ELAPOR2: variants seen among roughly 807,000 people sequenced by gnomAD.
The protein encoded by ELAPOR2 is endosome-lysosome associated apoptosis and autophagy regulator family member 2.
A neutral mutation model predicts 120.7 loss-of-function variants in ELAPOR2; 89 were observed. The observed-to-expected ratio is 0.74, with a 90% confidence interval of 0.62 to 0.88. ELAPOR2 has a LOEUF of 0.88. Among genes scored for constraint, ELAPOR2 ranks in the 40% least tolerant of loss-of-function variants. The probability of loss-of-function intolerance (pLI) is 0.00; values close to 1 mark genes in which losing one functional copy is unlikely to be tolerated. For missense variants in ELAPOR2, 1,134 were observed against 1,251.6 expected, an observed-to-expected ratio of 0.91 and a Z score of 1.42; for synonymous variants, 444 against 444.9, an observed-to-expected ratio of 1.00 and a Z score of 0.03.
intron 1 of ELAPOR2, among the ~76,000 whole-genome samples, chr7:86,997,457 A>G (rs1793163270): frequency 6.6e-6 from 1 of 152,222 alleles, no homozygotes; most frequent in Non-Finnish European, 1.5e-5. Context: ...AGCCCCAGGA[A>G]CAATTTTAAT....
At chr7:86,929,340 A>G (rs1790221655) in intron 8 of ELAPOR2, among the ~76,000 whole-genome samples, 1 of 151,930 alleles carries the variant, frequency 6.6e-6, no homozygotes, top group African/African-American at 2.4e-5. Context: ...GCTAAATTAC[A>G]TGTGTTTTTA....
chr7:86,950,520 C>T (rs1029465399), intron 2 of ELAPOR2, among the ~76,000 whole-genome samples: 1 of 152,198 alleles, frequency 6.6e-6, no homozygotes, highest in East Asian at 1.9e-4. Flanking sequence ...CCACCATATT[C>T]CCCGGTGCCA....
intron 1 of ELAPOR2, among the ~76,000 whole-genome samples, chr7:87,018,373 G>A (rs988989897): frequency 6.6e-6 from 1 of 151,952 alleles, no homozygotes; most frequent in African/African-American, 2.4e-5. Flanking sequence ...TTTAATGAGA[G>A]AAAAAATGCT....
At chr7:86,920,012 A>G (rs1789755025) in intron 10 of ELAPOR2, among the ~76,000 whole-genome samples, 1 of 152,140 alleles carries the variant, frequency 6.6e-6, no homozygotes, top group Non-Finnish European at 1.5e-5. Flanking sequence ...ACATCAAGCA[A>G]GGTTATTAAT....
chr7:86,918,242 C>A (rs1789654879), intron 12 of ELAPOR2, among the ~76,000 whole-genome samples, 200 bp downstream of exon 12: 1 of 135,562 alleles, frequency 7.4e-6, no homozygotes, highest in Non-Finnish European at 1.5e-5. Flanking sequence ...GGAATAAACA[C>A]TTTATTTGTG....
At chr7:87,045,708 T>G (rs939873161) in intron 1 of ELAPOR2, among the ~76,000 whole-genome samples, 1 of 151,808 alleles carries the variant, frequency 6.6e-6, no homozygotes, top group East Asian at 1.9e-4. Context: ...TGTATACATA[T>G]GTAACTAACC....
At chr7:86,993,246 A>AAAGAAAG (rs1793010206) in intron 1 of ELAPOR2, among the ~76,000 whole-genome samples, 1 of 143,990 alleles carries the variant, frequency 6.9e-6, no homozygotes, top group Non-Finnish European at 1.5e-5. Context: ...AAAAAAAAAA[A>AAAGAAAG]AAAAGAAAAA....
chr7:86,925,065 T>C (rs568033470), intron 10 of ELAPOR2, among the ~76,000 whole-genome samples: 1 of 152,174 alleles, frequency 6.6e-6, no homozygotes, highest in South Asian at 2.1e-4. Context: ...TTTCAAATTT[T>C]CAATAGGTAG....
At chr7:86,975,642 C>T (rs1792260636) in intron 1 of ELAPOR2, among the ~76,000 whole-genome samples, 2 of 152,290 alleles carry the variant, frequency 1.3e-5, no homozygotes, top group East Asian at 3.9e-4. Context: ...GTGGGCCAAC[C>T]CCTGGCCAGG....
At chr7:86,953,792 G>C (rs938473685) in intron 2 of ELAPOR2, among the ~76,000 whole-genome samples, 5 of 152,182 alleles carry the variant, frequency 3.3e-5, no homozygotes, top group Non-Finnish European at 5.9e-5. Context: ...AATGAGAACA[G>C]AAAGACCTTA....
intron 1 of ELAPOR2, among the ~76,000 whole-genome samples, chr7:87,039,817 G>C (rs1033194183): frequency 6.6e-6 from 1 of 152,306 alleles, no homozygotes; most frequent in South Asian, 2.1e-4. Flanking sequence ...CAGCGTGAGC[G>C]ACGCAGAAGA....
Position 86,998,851 on chromosome 7 carries a change from G to GTTT in ELAPOR2, c.190-33830_190-33828dup, listed in dbSNP as rs397942440. On this transcript the variant is annotated intron_variant, in intron 1 of 21. Transcript: ENST00000450689. ...TTTAGAATTCCATAAATAGTTCCTT[G>GTTT]TTTTTTTTTTTCAAAGAACCTGAGA... Among the ~76,000 whole-genome samples, 813 of 146,458 alleles carry GTTT rather than the reference G, an allele frequency of 5.6e-3. 9 individuals carry two copies. Among genetic ancestry groups the GTTT allele is most frequent in the African/African-American group, 0.016 (633 of 40,380 alleles).
intron 1 of ELAPOR2, among the ~76,000 whole-genome samples, chr7:86,979,597 G>T (rs1379011782): frequency 6.6e-6 from 1 of 152,198 alleles, no homozygotes; most frequent in Non-Finnish European, 1.5e-5. Context: ...GCTAGAGCAT[G>T]AGCTCACAAA....
intron 18 of ELAPOR2, among the ~76,000 whole-genome samples, chr7:86,905,182 A>C (rs200398156): frequency 7.0e-6 from 1 of 143,360 alleles, no homozygotes; most frequent in Non-Finnish European, 1.5e-5. Flanking sequence ...GAAAGAGAGA[A>C]AGAGAGAGAG....
chr7:86,943,384 C>T (rs1320581577), intron 4 of ELAPOR2, among the ~76,000 whole-genome samples: 1 of 151,880 alleles, frequency 6.6e-6, no homozygotes, highest in Non-Finnish European at 1.5e-5. Context: ...ATGCAATGCC[C>T]ATATGTACAA....
In ELAPOR2 at chr7:86,990,132, C is replaced by T. The variant is rs976465267; in HGVS notation, c.190-25108G>A. Among the ~76,000 whole-genome samples the T allele has an allele frequency of 3.9e-5, 6 of 151,952 alleles. No individual in the cohort carries two copies. The East Asian group carries it at 9.7e-4, about 24-fold the overall frequency. On this transcript the variant is annotated intron_variant, in intron 1 of 21. Transcript: ENST00000450689. ...TGCCATCTCGGCTCACTGCAACCTC[C>T]GCCTCCTGGGTTCATGCCATTCTCC...
At chr7:86,880,846 G>A (rs1165261839) in intron 21 of ELAPOR2, among the ~76,000 whole-genome samples, 1 of 151,582 alleles carries the variant, frequency 6.6e-6, no homozygotes, top group African/African-American at 2.4e-5. Flanking sequence ...GGACATACCT[G>A]ACCTGAGTGC....
At chr7:87,009,635 G>C (rs1341841846) in intron 1 of ELAPOR2, among the ~76,000 whole-genome samples, 1 of 152,144 alleles carries the variant, frequency 6.6e-6, no homozygotes, top group Non-Finnish European at 1.5e-5. Context: ...CAACAGTACA[G>C]AAAAGCAGGA....
chr7:86,902,184 G>T (rs557055566), intron 18 of ELAPOR2, among the ~76,000 whole-genome samples: 1 of 150,546 alleles, frequency 6.6e-6, no homozygotes, highest in Admixed American at 6.6e-5. Flanking sequence ...TTGTTTGTTT[G>T]TTTTGTTTTG....
Sources: gnomAD v4.1 joint callset for allele counts (sites outside exome capture counted in the v4.1 genomes callset) on GRCh38, gnomAD v4.1.1 for gene constraint, MANE v1.5 for transcripts, NCBI Gene and HGNC (gene_info 2026-07-23, HGNC 2026-07-21) for gene names.